NLGN1: variants seen among roughly 807,000 people sequenced by gnomAD.
NLGN1 encodes the protein neuroligin 1, also known as neuroligin-1.
NLGN1 carries 12 observed loss-of-function variants against 65.5 expected under a neutral mutation model. That is an observed-to-expected ratio of 0.18 (90% confidence interval 0.12 to 0.30). NLGN1 has a LOEUF of 0.30. Ranked by LOEUF, NLGN1 falls within the 10% of genes least tolerant of loss-of-function variation. NLGN1 has a pLI of 1.00. For synonymous variants in NLGN1, 350 were observed against 359.5 expected (o/e 0.97, Z 0.30); for missense variants, 750 against 1,007.1 (o/e 0.74, Z 3.46).
intron 4 of NLGN1, among the ~76,000 whole-genome samples, chr3:174,211,017 G>A (rs1275445284): frequency 1.3e-5 from 2 of 152,114 alleles, no homozygotes; most frequent in African/African-American, 4.8e-5. Flanking sequence ...TGGCGCGTCT[G>A]GAGTCTGTCC....
intron 3 of NLGN1, among the ~76,000 whole-genome samples, chr3:173,768,811 G>A (rs542851674): frequency 6.8e-4 from 103 of 152,108 alleles, no homozygotes; most frequent in African/African-American, 2.4e-3. Flanking sequence ...TTGCTCTGTC[G>A]CCCAGGCTGG....
At chr3:173,584,915 A>G (rs548556209) in intron 2 of NLGN1, 16 of 152,294 alleles carry the variant, frequency 1.1e-4, no homozygotes, top group African/African-American at 3.8e-4. Flanking sequence ...ACTGGTAAAT[A>G]CTTGGACCAT....
At chr3:173,823,709 A>G (rs2150549978) in intron 4 of NLGN1, among the ~76,000 whole-genome samples, 2 of 152,198 alleles carry the variant, frequency 1.3e-5, no homozygotes, top group South Asian at 4.1e-4. Flanking sequence ...TTACCAGGTC[A>G]GACAACACAC....
chr3:173,562,042 T>G (rs945601151), intron 2 of NLGN1, among the ~76,000 whole-genome samples: 1 of 152,176 alleles, frequency 6.6e-6, no homozygotes, highest in African/African-American at 2.4e-5. Flanking sequence ...GTTTGTTTTT[T>G]TAGATGGTGG....
At chr3:174,147,943 C>T (rs1723650761) in intron 4 of NLGN1, among the ~76,000 whole-genome samples, 1 of 152,136 alleles carries the variant, frequency 6.6e-6, no homozygotes, top group African/African-American at 2.4e-5. Context: ...AAAATAGCTT[C>T]TAAATCCTCC....
intron 2 of NLGN1, among the ~76,000 whole-genome samples, chr3:173,520,326 A>G (rs1034136622): frequency 3.9e-5 from 6 of 152,226 alleles, no homozygotes; most frequent in African/African-American, 1.4e-4. Context: ...TTAGTCCAAT[A>G]TAACAGGAGT....
At chr3:173,781,144 C>CAAAAAAAAAAA (rs769716428) in intron 3 of NLGN1, among the ~76,000 whole-genome samples, 18 of 80,396 alleles carry the variant, frequency 2.2e-4, no homozygotes, top group African/African-American at 8.9e-4. Flanking sequence ...GACTCCGTCT[C>CAAAAAAAAAAA]AAAAAAAAAA....
intron 3 of NLGN1, among the ~76,000 whole-genome samples, chr3:173,671,901 G>A (rs763153437): frequency 9.2e-5 from 14 of 152,312 alleles, no homozygotes; most frequent in African/African-American, 2.2e-4. Context: ...TTGGCCGGGC[G>A]TGGTGGCTCA....
chr3:173,544,356 CTA>C (rs1024755110), intron 2 of NLGN1, among the ~76,000 whole-genome samples: 21 of 150,876 alleles, frequency 1.4e-4, no homozygotes, highest in African/African-American at 3.9e-4. Context: ...AGAAAGAAGA[CTA>C]TGCATTTATT....
chr3:174,225,840 T>G (rs1023193254), intron 4 of NLGN1, among the ~76,000 whole-genome samples: 2 of 152,090 alleles, frequency 1.3e-5, no homozygotes, highest in Non-Finnish European at 2.9e-5. Context: ...TTGGAGTATT[T>G]GGGGGGTTTT....
chr3:173,738,322 T>A (rs1199176988), intron 3 of NLGN1, among the ~76,000 whole-genome samples: 5 of 152,044 alleles, frequency 3.3e-5, no homozygotes, highest in Non-Finnish European at 7.4e-5. Context: ...ATGCGTTGTC[T>A]AGACCAAGGT....
chr3:174,138,635 C>T (rs1197646810), intron 4 of NLGN1, among the ~76,000 whole-genome samples: 4 of 151,724 alleles, frequency 2.6e-5, no homozygotes, highest in East Asian at 3.9e-4. Flanking sequence ...GGGGTTTCAC[C>T]GTGTTAGCCA....
Position 173,833,221 on chromosome 3 carries a change from G to A in NLGN1, c.646+25389G>A, listed in dbSNP as rs144411438. The stretch of plus-strand genomic sequence containing the variant: ...ATTACCTGCTCTCAATAACATATGC[G>A]AGTGTGTAACTTCAAAAACCCTTTT... On this transcript the variant is annotated intron_variant, in intron 4 of 6. Coordinates refer to ENST00000457714, the Ensembl canonical transcript of NLGN1. Among the ~76,000 whole-genome samples the A allele has an allele frequency of 2.2e-3, 333 of 152,188 alleles. 1 individual carries two copies. The highest frequency in any genetic ancestry group is 2.7e-3 in the Admixed American group (41 of 15,290).
At chr3:174,284,364 ACT>A (rs1267242907) in exon 7 of NLGN1, 4 of 151,498 alleles carry the variant, frequency 2.6e-5, no homozygotes, top group African/African-American at 4.8e-5. Flanking sequence ...AAAAATAAAT[ACT>A]GTTACTCAAT....
intron 2 of NLGN1, among the ~76,000 whole-genome samples, chr3:173,563,372 A>G (rs193221785): frequency 6.6e-6 from 1 of 152,364 alleles, no homozygotes; most frequent in African/African-American, 2.4e-5. Flanking sequence ...GAAAATCGGA[A>G]CAAACCAATA....
chr3:174,227,624 A>G (rs1280176148), intron 4 of NLGN1, among the ~76,000 whole-genome samples: 3 of 152,060 alleles, frequency 2.0e-5, no homozygotes, highest in Non-Finnish European at 1.5e-5. Flanking sequence ...TAATTTATCT[A>G]ATTTAGACCT....
At chr3:174,245,729 T>A (rs1463804756) in intron 4 of NLGN1, among the ~76,000 whole-genome samples, 1 of 152,156 alleles carries the variant, frequency 6.6e-6, no homozygotes, top group East Asian at 1.9e-4. Context: ...TAAAAGTAAA[T>A]TTTATGAGGT....
chr3:174,209,589 C>T (rs1253698532), intron 4 of NLGN1, among the ~76,000 whole-genome samples: 2 of 150,746 alleles, frequency 1.3e-5, no homozygotes, highest in African/African-American at 4.9e-5. Context: ...GGTACATGCC[C>T]ACAGCCTACC....
chr3:174,102,307 C>T (rs1249982249), intron 4 of NLGN1, among the ~76,000 whole-genome samples: 3 of 151,792 alleles, frequency 2.0e-5, no homozygotes, highest in African/African-American at 4.8e-5. Flanking sequence ...CTTTTTAATA[C>T]GAAAATTATC....
Sources: gnomAD v4.1 joint callset for allele counts (sites outside exome capture counted in the v4.1 genomes callset) on GRCh38, gnomAD v4.1.1 for gene constraint, MANE v1.5 for transcripts, NCBI Gene and HGNC (gene_info 2026-07-23, HGNC 2026-07-21) for gene names.